Variants in ITPR1 observed in about 807,000 individuals in gnomAD.
ITPR1 encodes inositol 1,4,5-trisphosphate receptor type 1.
ITPR1 carries 96 observed loss-of-function variants against 318.4 expected under a neutral mutation model. That is an observed-to-expected ratio of 0.30 (90% CI 0.26 to 0.36). The LOEUF is 0.36. Among genes scored for constraint, ITPR1 ranks in the 10% least tolerant of loss-of-function variants. The pLI, the probability that ITPR1 is intolerant of heterozygous loss-of-function variation, is 1.00. For synonymous variants in ITPR1, 1,312 were observed against 1,289.9 expected, an observed-to-expected ratio of 1.02 and a Z score of -0.37; for missense variants, 2,440 against 3,460.2, an observed-to-expected ratio of 0.71 and a Z score of 7.40.
intron 37 of ITPR1, among the ~76,000 whole-genome samples, chr3:4,708,949 C>T (rs148576672): frequency 6.4e-4 from 97 of 152,314 alleles, no homozygotes; most frequent in Middle Eastern, 6.8e-3. Context: ...TTGCTGAATG[C>T]TATACATTTG....
chr3:4,624,237 A>G (rs2092741242), intron 4 of ITPR1, among the ~76,000 whole-genome samples: 1 of 152,242 alleles, frequency 6.6e-6, no homozygotes, highest in Non-Finnish European at 1.5e-5. Context: ...GAAAACTGAC[A>G]TTGTTAACCC....
At chr3:4,565,726 T>G (rs1197176338) in intron 4 of ITPR1, among the ~76,000 whole-genome samples, 1 of 152,232 alleles carries the variant, frequency 6.6e-6, no homozygotes, top group Admixed American at 6.5e-5. Flanking sequence ...ATTGAACAGC[T>G]GACTCTATGC....
At chr3:4,561,164 G>A (rs1435282061) in intron 4 of ITPR1, among the ~76,000 whole-genome samples, 2 of 152,132 alleles carry the variant, frequency 1.3e-5, no homozygotes, top group African/African-American at 4.8e-5. Context: ...GAGTCGTTTT[G>A]AATAAATAGT....
chr3:4,526,969 C>G (rs978027139), intron 4 of ITPR1, among the ~76,000 whole-genome samples: 3 of 152,296 alleles, frequency 2.0e-5, no homozygotes, highest in Non-Finnish European at 1.5e-5. Flanking sequence ...TTCTTCCTAC[C>G]TAGTATAAAA....
In ITPR1 at chr3:4,665,162, T is replaced by A; in HGVS notation, c.1579T>A (p.Phe527Ile). 6.2e-7 allele frequency: 1 copy of A among 1,614,054 alleles called. No individual in the cohort carries two copies. The highest frequency in any genetic ancestry group is 8.5e-7 in the Non-Finnish European group (1 of 1,179,888). ...GATCTTCAAGTTGTTACAAGCCCCA[T>A]TCACAGACTGCGGTGATGGCCCAAT... ...KQIFKLLQAPFTDCGDGPMLR... is the reference protein window; with the variant it reads ...KQIFKLLQAPITDCGDGPMLR... Residue 527 changes from phenylalanine to isoleucine, a missense_variant, in exon 17 of 62, where the codon TTC becomes ATC. Physicochemically the swap from Phe to Ile is conservative, Grantham distance 21. Transcript: ENST00000649015.
chr3:4,635,769 T>C (rs982847377), intron 5 of ITPR1, among the ~76,000 whole-genome samples: 2 of 152,226 alleles, frequency 1.3e-5, no homozygotes, highest in African/African-American at 4.8e-5. Flanking sequence ...CTGTAGTGTT[T>C]GTACCTTGTT....
At chr3:4,827,046 T>C (rs904083640) in intron 60 of ITPR1, among the ~76,000 whole-genome samples, 8 of 152,236 alleles carry the variant, frequency 5.3e-5, no homozygotes, top group Non-Finnish European at 1.2e-4. Context: ...GGCTACTTCG[T>C]CCAACGATGT....
At chr3:4,530,138 C>T (rs1375459333) in intron 4 of ITPR1, among the ~76,000 whole-genome samples, 2 of 152,192 alleles carry the variant, frequency 1.3e-5, no homozygotes, top group Non-Finnish European at 2.9e-5. Context: ...AAGAAAAAGT[C>T]TACAGACAAG....
intron 60 of ITPR1, among the ~76,000 whole-genome samples, chr3:4,825,095 T>G (rs2049988152): frequency 1.3e-5 from 2 of 152,232 alleles, no homozygotes. Flanking sequence ...TAATTACACA[T>G]GAGAATGTCT....
intron 59 of ITPR1, among the ~76,000 whole-genome samples, chr3:4,815,611 G>A (rs1044481265): frequency 8.5e-5 from 13 of 152,124 alleles, no homozygotes; most frequent in Admixed American, 2.6e-4. Flanking sequence ...TATAGGCACG[G>A]GAGGAGAAGT....
In ITPR1 at chr3:4,652,029, C is replaced by T. The variant is rs144756696; in HGVS notation, c.856-94C>T. On this transcript the variant is annotated intron_variant, in intron 10 of 61. Coordinates refer to ENST00000649015, the MANE Select transcript of ITPR1 (RefSeq NM_001378452.1). ...TGATTTTCTTTTTCTAGCTTATAAA[C>T]ATCCCTCCTGAACTATGACTTGTGA... 33 of 942,790 alleles carry T rather than the reference C, an allele frequency of 3.5e-5. No individual in the cohort carries two copies. The East Asian group carries it at 8.7e-4, about 25-fold the overall frequency. 58.4% of individuals were successfully genotyped at this position (942,790 alleles called of 1,614,324 possible).
At chr3:4,742,982 T>G (rs1222954558) in intron 44 of ITPR1, among the ~76,000 whole-genome samples, 2 of 152,238 alleles carry the variant, frequency 1.3e-5, no homozygotes, top group East Asian at 3.8e-4. Context: ...TTGGGAAATT[T>G]CATTGCCTTG....
At chr3:4,807,835 T>C (rs1164909508) in intron 55 of ITPR1, among the ~76,000 whole-genome samples, 2 of 152,242 alleles carry the variant, frequency 1.3e-5, no homozygotes, top group Admixed American at 1.3e-4. Context: ...ACTTTTTGTC[T>C]CATGCCATCA....
rs1399773259 is a variant in ITPR1, at chr3:4,707,476, T to A, written c.4842+1125T>A. ...GGCTGTGTCCCAAGATGAGTGTGTG[T>A]AGAGAGAGACAAGTGAAAACTTTAT... On this transcript the variant is annotated intron_variant, in intron 37 of 61. Transcript: ENST00000649015. 2.0e-5 allele frequency among the ~76,000 whole-genome samples: 3 copies of A among 152,194 alleles called. No individual in the cohort carries two copies. In the East Asian group the frequency reaches 5.8e-4, roughly 29 times the overall value.
At chr3:4,611,155 G>T (rs2092087318) in intron 4 of ITPR1, among the ~76,000 whole-genome samples, 2 of 145,428 alleles carry the variant, frequency 1.4e-5, no homozygotes, top group South Asian at 4.5e-4. Flanking sequence ...AGCACTTTGG[G>T]AGGCTGAGGA....
intron 52 of ITPR1, among the ~76,000 whole-genome samples, chr3:4,790,169 T>G (rs150342324): frequency 6.6e-6 from 1 of 152,326 alleles, no homozygotes; most frequent in Non-Finnish European, 1.5e-5. Context: ...TTTTTTGAGA[T>G]AATGTCTCCA....
intron 2 of ITPR1, among the ~76,000 whole-genome samples, chr3:4,504,816 A>G (rs962177542): frequency 6.6e-6 from 1 of 152,088 alleles, no homozygotes; most frequent in African/African-American, 2.4e-5. Flanking sequence ...GGTTTTCTCT[A>G]CCTCGTATTT....
chr3:4,704,065 G>C lies in ITPR1; in HGVS notation c.4657+1115G>C, dbSNP rs555536939. On this transcript the variant is annotated intron_variant, in intron 36 of 61. Coordinates refer to ENST00000649015, the MANE Select transcript of ITPR1 (RefSeq NM_001378452.1). ...TGGGAGCTAAATATTGGGTCCACGT[G>C]GATGTAAAGATGGGGGACTACTAGA... 9.2e-5 allele frequency among the ~76,000 whole-genome samples: 14 copies of C among 152,242 alleles called. No individual in the cohort carries two copies. The South Asian group carries it at 2.7e-3, about 29-fold the overall frequency.
chr3:4,792,496 A>G (rs985983609), intron 52 of ITPR1, among the ~76,000 whole-genome samples: 1 of 152,066 alleles, frequency 6.6e-6, no homozygotes, highest in Non-Finnish European at 1.5e-5. Flanking sequence ...CAGGTCTCTC[A>G]TGGGGTTGTA....
Sources: gnomAD v4.1 joint callset for allele counts (sites outside exome capture counted in the v4.1 genomes callset) on GRCh38, gnomAD v4.1.1 for gene constraint, MANE v1.5 for transcripts, NCBI Gene and HGNC (gene_info 2026-07-23, HGNC 2026-07-21) for gene names.